The following CD96 variants were observed in gnomAD, a reference collection of about 807,000 sequenced individuals.
CD96 encodes CD96 molecule, also known as T-cell surface protein tactile.
A neutral mutation model predicts 71.3 loss-of-function variants in CD96; 70 were observed. The observed-to-expected ratio is 0.98, with a 90% confidence interval of 0.81 to 1.20. The LOEUF (loss-of-function observed/expected upper bound fraction) is 1.20, where lower values mean the gene tolerates loss of function less well. Ranked by LOEUF, CD96 falls within the 50% of genes most tolerant of loss-of-function variation. The probability of loss-of-function intolerance (pLI) is 0.00; values close to 1 mark genes in which losing one functional copy is unlikely to be tolerated. For synonymous variants in CD96, 248 were observed against 233.0 expected, an observed-to-expected ratio of 1.06 and a Z score of -0.59; for missense variants, 742 against 677.5, an observed-to-expected ratio of 1.10 and a Z score of -1.06.
chr3:111,569,148 C>T (rs925034844), intron 3 of CD96, among the ~76,000 whole-genome samples: 1 of 151,958 alleles, frequency 6.6e-6, no homozygotes, highest in Non-Finnish European at 1.5e-5. Context: ...GAAACTAGAC[C>T]CTATATATAA....
chr3:111,632,116 A>G (rs1406208909), intron 10 of CD96, among the ~76,000 whole-genome samples: 1 of 152,254 alleles, frequency 6.6e-6, no homozygotes, highest in African/African-American at 2.4e-5. Context: ...AAAAATTGAC[A>G]AATGGGACTT....
At chr3:111,629,803 T>A (rs1207930849) in intron 10 of CD96, among the ~76,000 whole-genome samples, 1 of 152,114 alleles carries the variant, frequency 6.6e-6, no homozygotes, top group African/African-American at 2.4e-5. Flanking sequence ...AGAATGGAAA[T>A]CATAACAAAG....
At chr3:111,659,930 G>A (rs750673857) in intron 14 of CD96, among the ~76,000 whole-genome samples, 1 of 152,114 alleles carries the variant, frequency 6.6e-6, no homozygotes, top group Non-Finnish European at 1.5e-5. Flanking sequence ...ATACTGAATA[G>A]GCAAAAGCTC....
intron 4 of CD96, among the ~76,000 whole-genome samples, chr3:111,580,945 C>T (rs558487730): frequency 6.6e-6 from 1 of 152,332 alleles, no homozygotes; most frequent in South Asian, 2.1e-4. Context: ...CAATTTTAAT[C>T]TAGGCAAGCT....
Position 111,606,291 on chromosome 3 carries a change from T to C in CD96, c.1088-409T>C, listed in dbSNP as rs182926263. 3.3e-5 allele frequency among the ~76,000 whole-genome samples: 5 copies of C among 152,376 alleles called. No homozygotes were observed. In the East Asian group the frequency reaches 7.7e-4, roughly 23 times the overall value. Reference sequence around the variant, plus strand: ...TGATATAAAAATTTTTGTGAGTTTATGGATTTTGTAAACTGCATGATTACT... The same window carrying C: ...TGATATAAAAATTTTTGTGAGTTTACGGATTTTGTAAACTGCATGATTACT... On this transcript the variant is annotated intron_variant, in intron 7 of 13. Coordinates refer to ENST00000352690, the MANE Select transcript of CD96 (RefSeq NM_005816.5).
At chr3:111,609,386 T>C (rs929421013) in intron 8 of CD96, among the ~76,000 whole-genome samples, 1 of 152,204 alleles carries the variant, frequency 6.6e-6, no homozygotes, top group East Asian at 1.9e-4. Context: ...CAAATATTTA[T>C]TGAGCACTTA....
At chr3:111,584,053 G>T (rs1040152437) in intron 4 of CD96, among the ~76,000 whole-genome samples, 3 of 152,140 alleles carry the variant, frequency 2.0e-5, no homozygotes, top group Admixed American at 6.5e-5. Context: ...AAAACTGAGT[G>T]CCTTTAACAG....
chr3:111,625,835 C>G (rs141953674), intron 10 of CD96, among the ~76,000 whole-genome samples: 2 of 152,088 alleles, frequency 1.3e-5, no homozygotes, highest in Non-Finnish European at 2.9e-5. Flanking sequence ...ATCTGGGGAA[C>G]ATATTTGCCA....
At position 111,623,743 on chromosome 3, in the gene CD96, T is replaced by C; in HGVS notation, c.1181-11T>C. ...ACATATAATAATTTGGGAATTTTAT[T>C]TTCAAAATAGGATATCCAGCTACAT... On this transcript the variant is annotated splice_polypyrimidine_tract_variant and intron_variant, in intron 8 of 13. Coordinates refer to ENST00000352690, the MANE Select transcript of CD96 (RefSeq NM_005816.5). 6.3e-7 allele frequency: 1 copy of C among 1,586,396 alleles called. No individual in the cohort carries two copies. The highest frequency in any genetic ancestry group is 1.7e-4 in the Middle Eastern group (1 of 6,000).
intron 3 of CD96, chr3:111,577,365 C>G: frequency 1.3e-6 from 1 of 768,966 alleles, no homozygotes; most frequent in South Asian, 1.4e-5. Flanking sequence ...TAATTATTGA[C>G]CTCCAGACTT....
chr3:111,608,539 C>T (rs1324830718), intron 8 of CD96, among the ~76,000 whole-genome samples: 1 of 152,170 alleles, frequency 6.6e-6, no homozygotes, highest in African/African-American at 2.4e-5. Flanking sequence ...TTCCCACTTG[C>T]CAGATGGGGA....
At chr3:111,633,384 T>C (rs1400944577) in intron 10 of CD96, among the ~76,000 whole-genome samples, 1 of 152,114 alleles carries the variant, frequency 6.6e-6, no homozygotes, top group Non-Finnish European at 1.5e-5. Context: ...ATATGAAAGT[T>C]TGGAATATTG....
chr3:111,610,700 G>A (rs908037888), intron 8 of CD96, among the ~76,000 whole-genome samples: 1 of 152,202 alleles, frequency 6.6e-6, no homozygotes, highest in African/African-American at 2.4e-5. Flanking sequence ...AAGACAGGCT[G>A]ACAAGCTAAG....
At chr3:111,627,568 G>C (rs1005500785) in intron 10 of CD96, among the ~76,000 whole-genome samples, 1 of 152,210 alleles carries the variant, frequency 6.6e-6, no homozygotes, top group African/African-American at 2.4e-5. Flanking sequence ...ATCTCATCCA[G>C]TTCAGGCTGT....
At chr3:111,648,980 A>G (rs1191308929) in intron 13 of CD96, among the ~76,000 whole-genome samples, 1 of 152,220 alleles carries the variant, frequency 6.6e-6, no homozygotes, top group Non-Finnish European at 1.5e-5. Flanking sequence ...GACTTTAAGA[A>G]TGTTCACTGA....
chr3:111,665,798 C>G (rs564326390), downstream of CD96: 1 of 152,338 alleles, frequency 6.6e-6, no homozygotes, highest in South Asian at 2.1e-4. Flanking sequence ...GCAGCAAGAT[C>G]CCACACATGT....
chr3:111,640,423 C>T (rs1156549590), intron 12 of CD96, among the ~76,000 whole-genome samples: 8 of 152,126 alleles, frequency 5.3e-5, no homozygotes, highest in African/African-American at 1.9e-4. Context: ...CAAATTAACT[C>T]TGTCCAACAA....
At chr3:111,605,300 C>T (rs1004738830) in intron 7 of CD96, among the ~76,000 whole-genome samples, 4 of 152,106 alleles carry the variant, frequency 2.6e-5, no homozygotes, top group Non-Finnish European at 5.9e-5. Flanking sequence ...AAGGTACATT[C>T]AGGAAAGTTT....
chr3:111,618,582 CTTTTT>C (rs35004472), intron 8 of CD96, among the ~76,000 whole-genome samples: 1 of 123,964 alleles, frequency 8.1e-6, no homozygotes. Context: ...TTATTTCTCT[CTTTTT>C]TTTTTTTTTT....
Sources: allele counts gnomAD v4.1 joint callset (sites outside exome capture counted in the v4.1 genomes callset), GRCh38; gene constraint gnomAD v4.1.1; transcripts MANE v1.5; gene names NCBI Gene and HGNC (gene_info 2026-07-23, HGNC 2026-07-21).